Variants in BTBD7 observed in about 807,000 individuals in gnomAD.
BTBD7 encodes the protein BTB domain containing 7.
Under a neutral mutation model 99.9 loss-of-function variants are expected in BTBD7, and 38 were observed. That is an observed-to-expected ratio of 0.38 (90% CI 0.29 to 0.50). The LOEUF is 0.50. Among genes scored for constraint, BTBD7 ranks in the 20% least tolerant of loss-of-function variants. The probability of loss-of-function intolerance (pLI) is 0.93; values close to 1 mark genes in which losing one functional copy is unlikely to be tolerated. For missense variants in BTBD7, 1,170 were observed against 1,394.6 expected, an observed-to-expected ratio of 0.84 and a Z score of 2.57; for synonymous variants, 520 against 511.4, an observed-to-expected ratio of 1.02 and a Z score of -0.23.
intron 3 of BTBD7, among the ~76,000 whole-genome samples, chr14:93,289,509 T>C (rs1219437656): frequency 6.6e-6 from 1 of 152,174 alleles, no homozygotes; most frequent in African/African-American, 2.4e-5. Flanking sequence ...TACAGGCTGC[T>C]CCTCTGTTAA....
In BTBD7 at chr14:93,307,962, C is replaced by T. The variant is rs566969352; in HGVS notation, c.-106-11805G>A. On this transcript the variant is annotated intron_variant, in intron 1 of 10. Transcript: ENST00000334746. Reference sequence around the variant, plus strand: ...AGTCCAAAAACTATTTCTTGGGATCCATATTCCTTCACAGTCTAAGCCTCT... The same window carrying T: ...AGTCCAAAAACTATTTCTTGGGATCTATATTCCTTCACAGTCTAAGCCTCT... 3.1e-4 allele frequency among the ~76,000 whole-genome samples: 47 copies of T among 152,236 alleles called. No individual in the cohort carries two copies. The South Asian group carries it at 9.3e-3, about 30-fold the overall frequency.
chr14:93,321,600 C>G (rs1399491203), intron 1 of BTBD7, among the ~76,000 whole-genome samples: 2 of 152,104 alleles, frequency 1.3e-5, no homozygotes, highest in Admixed American at 1.3e-4. Context: ...CACAAACAAA[C>G]AAGCAAACAA....
chr14:93,244,099 G>C (rs1188263194), intron 10 of BTBD7: 1 of 486,814 alleles, frequency 2.1e-6, no homozygotes, highest in African/African-American at 2.0e-5. Flanking sequence ...GAAGGGCAAG[G>C]ATTCTCTGTA....
Position 93,237,892 on chromosome 14 carries a change from G to A in BTBD7, c.*4381C>T, listed in dbSNP as rs45486899. On this transcript the variant is annotated 3_prime_UTR_variant, in exon 11 of 11. Transcript: ENST00000334746. ...TGAGCCTTTAGCATTGAAGGCACTT[G>A]ACTTTATACCAGTAACAGCACAACC... 1 of 152,756 alleles carries A rather than the reference G, an allele frequency of 6.5e-6. No homozygotes were observed. The highest frequency in any genetic ancestry group is 1.5e-5 in the Non-Finnish European group (1 of 68,036). The allele number at this position is 152,756 out of a possible 1,614,324, so 9.5% of individuals were successfully genotyped here.
chr14:93,266,447 G>C (rs1236961350), intron 3 of BTBD7, among the ~76,000 whole-genome samples: 1 of 151,714 alleles, frequency 6.6e-6, no homozygotes, highest in Admixed American at 6.6e-5. Context: ...AGAGAAACCT[G>C]AGGAGAGACA....
chr14:93,300,770 G>A (rs867672142), intron 1 of BTBD7, among the ~76,000 whole-genome samples: 2,436 of 36,244 alleles, frequency 0.067, 248 homozygotes, highest in African/African-American at 0.27. Flanking sequence ...GTGTGTGTGT[G>A]TGTATATATA....
intron 1 of BTBD7, among the ~76,000 whole-genome samples, chr14:93,325,526 G>A (rs2053320860): frequency 6.6e-6 from 1 of 152,188 alleles, no homozygotes; most frequent in Non-Finnish European, 1.5e-5. Context: ...CTGGCAGGCT[G>A]TTTAATACGT....
chr14:93,305,475 T>G (rs533337808), intron 1 of BTBD7, among the ~76,000 whole-genome samples: 1 of 152,168 alleles, frequency 6.6e-6, no homozygotes, highest in African/African-American at 2.4e-5. Flanking sequence ...AGGTCTCTTA[T>G]GAAAAACAAG....
At chr14:93,281,398 A>G (rs1008067265) in intron 3 of BTBD7, among the ~76,000 whole-genome samples, 1 of 152,142 alleles carries the variant, frequency 6.6e-6, no homozygotes, top group African/African-American at 2.4e-5. Context: ...CAGCCTCCCA[A>G]ACTGCTGGGA....
At chr14:93,332,454 C>T in intron 1 of BTBD7, 1 of 158,536 alleles carries the variant, frequency 6.3e-6, no homozygotes, top group Non-Finnish European at 1.4e-5. Flanking sequence ...TCTCAGCGTC[C>T]TGGGAGCGAC....
At chr14:93,261,557 A>C in intron 5 of BTBD7, 45 bp downstream of exon 5, 1 of 1,454,478 alleles carries the variant, frequency 6.9e-7, no homozygotes, top group Non-Finnish European at 9.6e-7. Flanking sequence ...AGAACCACCA[A>C]ATTTTACACA....
chr14:93,280,723 G>GA (rs1167534435), intron 3 of BTBD7, among the ~76,000 whole-genome samples: 1 of 152,034 alleles, frequency 6.6e-6, no homozygotes. Flanking sequence ...CCAAATATAT[G>GA]AAAAAATGGT....
chr14:93,282,206 T>C (rs1418927903), intron 3 of BTBD7, among the ~76,000 whole-genome samples: 1 of 152,198 alleles, frequency 6.6e-6, no homozygotes, highest in African/African-American at 2.4e-5. Flanking sequence ...CTAAGTAATA[T>C]CATTATCAAT....
At chr14:93,251,405 AT>A (rs1451660380) in intron 8 of BTBD7, 57 bp downstream of exon 8, 1 of 1,495,172 alleles carries the variant, frequency 6.7e-7, no homozygotes, top group Non-Finnish European at 9.0e-7. Flanking sequence ...AACATCAGCA[AT>A]TTCAAAAAAA....
intron 3 of BTBD7, among the ~76,000 whole-genome samples, chr14:93,284,135 A>C (rs2052752085): frequency 6.6e-6 from 1 of 152,204 alleles, no homozygotes; most frequent in South Asian, 2.1e-4. Context: ...TTAGTGCAGA[A>C]TGAAAGACTG....
Position 93,253,730 on chromosome 14 carries a change from T to TCCC in BTBD7, c.1666_1668dup (p.Gly556dup), listed in dbSNP as rs747998342. ...TTTTGCCGTAACCAGGCATTTGACT[T>TCCC]CCCACCTTCTGTTGTAGGAAGCATA... On this transcript the variant is annotated inframe_insertion, in exon 7 of 11. Coordinates refer to ENST00000334746, the MANE Select transcript of BTBD7 (RefSeq NM_001002860.4). The TCCC allele has an allele frequency of 2.5e-6, 4 of 1,613,232 alleles. No homozygotes were observed. In the Admixed American group the frequency reaches 5.0e-5, roughly 20 times the overall value.
chr14:93,298,007 T>C (rs2052949998), intron 1 of BTBD7, among the ~76,000 whole-genome samples: 1 of 152,232 alleles, frequency 6.6e-6, no homozygotes, highest in African/African-American at 2.4e-5. Context: ...GTCACTCCTA[T>C]GGCTAGGCCT....
rs769760540 is a variant in BTBD7 at position 93,257,144 on chromosome 14, C to T, written c.1608+51G>A. 1.9e-6 allele frequency: 3 copies of T among 1,557,992 alleles called. No homozygotes were observed. In the East Asian group the frequency reaches 6.7e-5, roughly 35 times the overall value. ...ATTATTTACAATGAATAAAAACATA[C>T]ACCTGGCATTTTTCTTTTCATGAAA... On this transcript the variant is annotated intron_variant, in intron 6 of 10. Coordinates refer to ENST00000334746, the MANE Select transcript of BTBD7 (RefSeq NM_001002860.4).
intron 3 of BTBD7, among the ~76,000 whole-genome samples, chr14:93,274,899 T>C (rs1039184844): frequency 3.3e-5 from 5 of 152,206 alleles, no homozygotes; most frequent in African/African-American, 1.2e-4. Flanking sequence ...TTCTAGACTT[T>C]CATTTAAAAA....
Sources: allele counts gnomAD v4.1 joint callset (sites outside exome capture counted in the v4.1 genomes callset), GRCh38; gene constraint gnomAD v4.1.1; transcripts MANE v1.5; gene names NCBI Gene and HGNC (gene_info 2026-07-23, HGNC 2026-07-21).